Variants in L3MBTL4 observed in about 807,000 individuals in gnomAD.
L3MBTL4 encodes the protein lethal(3)malignant brain tumor-like protein 4.
L3MBTL4 carries 70 observed loss-of-function variants against 84.5 expected under a neutral mutation model. The ratio of observed to expected loss-of-function variants is 0.83; its 90% CI spans 0.68 to 1.01. The LOEUF (loss-of-function observed/expected upper bound fraction) is 1.01. Among genes scored for constraint, L3MBTL4 ranks in the 50% least tolerant of loss-of-function variants. The probability of loss-of-function intolerance (pLI) is 0.00; values close to 1 mark genes in which losing one functional copy is unlikely to be tolerated. For synonymous variants in L3MBTL4, 274 were observed against 259.8 expected, an observed-to-expected ratio of 1.05 and a Z score of -0.52; for missense variants, 715 against 754.8, an observed-to-expected ratio of 0.95 and a Z score of 0.62.
chr18:6,031,139 A>G lies in L3MBTL4; in HGVS notation c.1444+49742T>C, dbSNP rs576467363. The G allele has an allele frequency of 2.8e-5, 28 of 985,244 alleles. 1 individual carries two copies. In the South Asian group the frequency reaches 1.1e-3, roughly 40 times the overall value. The allele number at this position is 985,244 out of a possible 1,614,324, so 61.0% of individuals were successfully genotyped here. A position where few individuals can be genotyped will look rare whatever the true frequency, so the allele number is the denominator to read the frequency against. On this transcript the variant is annotated intron_variant, in intron 16 of 18. Transcript: ENST00000317931. ...AAGCCACACGTGATCCAAGTTCTAA[A>G]CCCAGCTCTTGTCCTGATTTATGCT... is the stretch of plus-strand genomic sequence containing the variant.
At chr18:5,968,384 C>T (rs2052456675) in intron 17 of L3MBTL4, among the ~76,000 whole-genome samples, 1 of 152,100 alleles carries the variant, frequency 6.6e-6, no homozygotes, top group South Asian at 2.1e-4. Flanking sequence ...AGCAATGGGG[C>T]TTAACTGTTC....
At chr18:6,065,867 T>G (rs1000818355) in intron 16 of L3MBTL4, among the ~76,000 whole-genome samples, 4 of 152,118 alleles carry the variant, frequency 2.6e-5, no homozygotes, top group African/African-American at 9.6e-5. Flanking sequence ...AGTTCTGCTC[T>G]GATCTTTAAT....
intron 16 of L3MBTL4, among the ~76,000 whole-genome samples, chr18:5,974,360 T>G (rs944671174): frequency 6.6e-6 from 1 of 152,052 alleles, no homozygotes; most frequent in Non-Finnish European, 1.5e-5. Flanking sequence ...GGATCTTGAG[T>G]CTAGCAGCAC....
At chr18:6,138,874 T>G (rs1339114661) in intron 13 of L3MBTL4, among the ~76,000 whole-genome samples, 1 of 152,170 alleles carries the variant, frequency 6.6e-6, no homozygotes, top group Non-Finnish European at 1.5e-5. Flanking sequence ...TTCACTTATT[T>G]CTTTCAGAGA....
chr18:6,105,615 A>G (rs1391885708), intron 14 of L3MBTL4, among the ~76,000 whole-genome samples: 1 of 151,762 alleles, frequency 6.6e-6, no homozygotes, highest in Admixed American at 6.5e-5. Context: ...CCTGGCCAAC[A>G]TGATGAAACC....
chr18:5,967,357 T>G (rs983691525), intron 17 of L3MBTL4, among the ~76,000 whole-genome samples: 9 of 152,248 alleles, frequency 5.9e-5, no homozygotes, highest in African/African-American at 1.9e-4. Flanking sequence ...TCCGCCTTAC[T>G]GTCATTATAT....
intron 9 of L3MBTL4, among the ~76,000 whole-genome samples, chr18:6,238,264 T>C (rs2047299732): frequency 6.6e-6 from 1 of 152,250 alleles, no homozygotes; most frequent in African/African-American, 2.4e-5. Flanking sequence ...CTGGGCGCGG[T>C]GGCTCACGCC....
intron 12 of L3MBTL4, among the ~76,000 whole-genome samples, chr18:6,210,139 C>CA (rs1458342853): frequency 6.6e-6 from 1 of 151,960 alleles, no homozygotes; most frequent in Non-Finnish European, 1.5e-5. Flanking sequence ...AATTGTATCT[C>CA]AAAAAAGGTA....
chr18:6,238,577 A>G (rs2047318038), intron 9 of L3MBTL4, among the ~76,000 whole-genome samples: 1 of 152,156 alleles, frequency 6.6e-6, no homozygotes, highest in Non-Finnish European at 1.5e-5. Flanking sequence ...CAAGGGCCTG[A>G]ATGAGCTGCC....
chr18:6,222,352 C>T (rs1006500519), intron 10 of L3MBTL4, among the ~76,000 whole-genome samples: 2 of 152,164 alleles, frequency 1.3e-5, no homozygotes, highest in Non-Finnish European at 2.9e-5. Flanking sequence ...GATTGTTTTG[C>T]TCAAAGTATG....
chr18:6,149,776 A>G (rs928361168), intron 13 of L3MBTL4, among the ~76,000 whole-genome samples: 1 of 152,090 alleles, frequency 6.6e-6, no homozygotes, highest in Non-Finnish European at 1.5e-5. Flanking sequence ...AAACCCACCT[A>G]ATTTGGTACT....
In L3MBTL4 at chr18:6,168,232, G is replaced by A. The variant is rs368920167; in HGVS notation, c.1096+3596C>T. Among the ~76,000 whole-genome samples the A allele has an allele frequency of 1.6e-3, 246 of 152,040 alleles. 3 individuals carry two copies. Among genetic ancestry groups the A allele is most frequent in the East Asian group, 9.4e-3 (49 of 5,188 alleles). On this transcript the variant is annotated intron_variant, in intron 13 of 18. Transcript: ENST00000317931. ...CTCATGGGTAGGAAGAATCAATATCGTGAAAATGGCCATACTGCCCAAGGT... is the reference window on the plus strand; with the variant it reads ...CTCATGGGTAGGAAGAATCAATATCATGAAAATGGCCATACTGCCCAAGGT...
At position 6,297,044 on chromosome 18, in the gene L3MBTL4, G is replaced by A. The variant is rs188643140; in HGVS notation, c.127+4859C>T. Among the ~76,000 whole-genome samples, 796 of 152,254 alleles carry A rather than the reference G, an allele frequency of 5.2e-3. 7 individuals carry two copies. The highest frequency in any genetic ancestry group is 0.031 in the South Asian group (151 of 4,826). ...ATCTTCAAGTGGAAGAAAAATAAGAGCATGAAAGCTTCCATTGATTTGGGA... is the reference window on the plus strand; with the variant it reads ...ATCTTCAAGTGGAAGAAAAATAAGAACATGAAAGCTTCCATTGATTTGGGA... On this transcript the variant is annotated intron_variant, in intron 4 of 18. Coordinates refer to ENST00000317931, the MANE Select transcript of L3MBTL4 (RefSeq NM_001330559.2).
chr18:6,329,719 C>T (rs1311898682), intron 1 of L3MBTL4, among the ~76,000 whole-genome samples: 6 of 152,140 alleles, frequency 3.9e-5, no homozygotes, highest in African/African-American at 1.2e-4. Context: ...TGTCTCCTTC[C>T]TCTTCTTATG....
chr18:6,071,787 AAGAAAGAAAG>A (rs2057649792), intron 16 of L3MBTL4, among the ~76,000 whole-genome samples: 1 of 143,308 alleles, frequency 7.0e-6, no homozygotes, highest in Admixed American at 7.0e-5. Context: ...GAAAGAAAGA[AAGAAAGAAAG>A]AAAGAAAAAG....
chr18:6,012,970 A>T (rs74253882), intron 16 of L3MBTL4, among the ~76,000 whole-genome samples: 7,459 of 152,066 alleles, frequency 0.049, 204 homozygotes, highest in South Asian at 0.075. Flanking sequence ...TTCTTCTCCA[A>T]GGGGCAGCCA....
chr18:6,111,896 G>C (rs917440884), intron 14 of L3MBTL4, among the ~76,000 whole-genome samples: 2 of 151,988 alleles, frequency 1.3e-5, no homozygotes, highest in African/African-American at 4.8e-5. Flanking sequence ...ACAACACATT[G>C]TTATTAACTA....
chr18:6,061,574 G>C (rs527465467), intron 16 of L3MBTL4, among the ~76,000 whole-genome samples: 4 of 151,920 alleles, frequency 2.6e-5, no homozygotes, highest in African/African-American at 9.6e-5. Flanking sequence ...AGGCCACCTA[G>C]ATTTTCTCCT....
At chr18:6,398,562 A>C (rs1296258185) in intron 1 of L3MBTL4, among the ~76,000 whole-genome samples, 1 of 152,128 alleles carries the variant, frequency 6.6e-6, no homozygotes, top group East Asian at 1.9e-4. Flanking sequence ...AAAGGCTCTG[A>C]AATAGTCCTT....
Sources: gnomAD v4.1 joint callset for allele counts (sites outside exome capture counted in the v4.1 genomes callset) on GRCh38, gnomAD v4.1.1 for gene constraint, MANE v1.5 for transcripts, NCBI Gene and HGNC (gene_info 2026-07-23, HGNC 2026-07-21) for gene names.